PAFAH2: variants seen among roughly 807,000 people sequenced by gnomAD.
PAFAH2 encodes the protein platelet activating factor acetylhydrolase 2, also known as platelet-activating factor acetylhydrolase 2, cytoplasmic.
In PAFAH2, 42 loss-of-function variants were observed where a neutral mutation model predicts 49.0. That is an observed-to-expected ratio of 0.86 (90% CI 0.67 to 1.11). The LOEUF is 1.11. Ranked by LOEUF, PAFAH2 falls within the 50% of genes least tolerant of loss-of-function variation. The pLI is 0.00. For synonymous variants in PAFAH2, 184 were observed against 181.3 expected, an observed-to-expected ratio of 1.01 and a Z score of -0.12; for missense variants, 503 against 501.8, an observed-to-expected ratio of 1.00 and a Z score of -0.02.
At chr1:25,983,891 T>C (rs1557525472) in intron 6 of PAFAH2, 55 bp downstream of exon 6, 2 of 1,585,176 alleles carry the variant, frequency 1.3e-6, no homozygotes, top group East Asian at 2.2e-5. Context: ...CTATCAAATA[T>C]AGTAGGGAGA....
intron 3 of PAFAH2, among the ~76,000 whole-genome samples, chr1:25,988,806 CAAAAAAAAAAAAA>C (rs59169423): frequency 7.4e-5 from 4 of 54,348 alleles, no homozygotes; most frequent in Admixed American, 2.8e-4. Flanking sequence ...TCCATCTCAC[CAAAAAAAAAAAAA>C]AAAAAAAAAA....
chr1:25,969,067 A>G (rs1201924411), intron 10 of PAFAH2, among the ~76,000 whole-genome samples: 1 of 152,180 alleles, frequency 6.6e-6, no homozygotes, highest in African/African-American at 2.4e-5. Flanking sequence ...AGCCTGTGGA[A>G]TAACATTCAA....
Position 25,976,192 on chromosome 1 carries a change from G to T in PAFAH2, c.758+490C>A, listed in dbSNP as rs546257137. Among the ~76,000 whole-genome samples the T allele has an allele frequency of 9.9e-5, 15 of 152,244 alleles. No homozygotes were observed. The East Asian group carries it at 2.7e-3, about 27-fold the overall frequency. ...AGGATCTTGCTCTATTGCCCAGGCT[G>T]AAGTGGTGCGGTCAGAGCTCACTGT... On this transcript the variant is annotated intron_variant, in intron 8 of 10. Transcript: ENST00000374282.
chr1:25,997,285 T>C (rs2049949904), intron 1 of PAFAH2, among the ~76,000 whole-genome samples: 1 of 152,172 alleles, frequency 6.6e-6, no homozygotes, highest in African/African-American at 2.4e-5. Flanking sequence ...ACTCGAGGGA[T>C]GAGATTGAGC....
rs34853555 is a variant in PAFAH2, at chr1:25,967,031, C to CAA, written c.1085-4950_1085-4949dup. Among the ~76,000 whole-genome samples, 705 of 83,966 alleles carry CAA rather than the reference C, an allele frequency of 8.4e-3. 14 individuals are homozygous for CAA. Among genetic ancestry groups the CAA allele is most frequent in the Admixed American group, 0.011 (83 of 7,286 alleles). The allele number at this position is 83,966 out of a possible 152,430, so 55.1% of individuals were successfully genotyped here. On this transcript the variant is annotated intron_variant, in intron 10 of 10. Coordinates refer to ENST00000374282, the MANE Select transcript of PAFAH2 (RefSeq NM_000437.4). ...TGGGCGACAGAGTGAGACGCCTTCT[C>CAA]AAAAAAAAAAAAAAAAAAAGACTGT...
intron 7 of PAFAH2, among the ~76,000 whole-genome samples, chr1:25,978,258 G>C (rs550081854): frequency 1.3e-5 from 2 of 152,008 alleles, no homozygotes; most frequent in East Asian, 1.9e-4. Flanking sequence ...GGTATACAAA[G>C]AAATCTCCTA....
At chr1:25,966,986 C>T (rs1042156945) in intron 10 of PAFAH2, among the ~76,000 whole-genome samples, 7 of 144,570 alleles carry the variant, frequency 4.8e-5, no homozygotes, top group Non-Finnish European at 7.5e-5. Flanking sequence ...GAGCCGAGAT[C>T]GCGCCACTGC....
At chr1:25,988,176 A>T in intron 4 of PAFAH2, 55 bp downstream of exon 4, 1 of 1,130,056 alleles carries the variant, frequency 8.8e-7, no homozygotes, top group Non-Finnish European at 1.3e-6. Flanking sequence ...GCTAAGACTC[A>T]GCAGCTGTCA....
At chr1:25,983,398 T>TA (rs1047470223) in intron 6 of PAFAH2, among the ~76,000 whole-genome samples, 9 of 149,962 alleles carry the variant, frequency 6.0e-5, no homozygotes, top group Middle Eastern at 3.4e-3. Context: ...AAAATAAAAA[T>TA]AAAAAAAAAT....
intron 10 of PAFAH2, chr1:25,964,429 G>A (rs975131724): frequency 6.6e-5 from 10 of 152,108 alleles, no homozygotes; most frequent in Non-Finnish European, 1.5e-4. Flanking sequence ...GATTTTTCTG[G>A]GTGCACTGGC....
chr1:25,979,581 G>A (rs1216519007), intron 7 of PAFAH2, among the ~76,000 whole-genome samples: 2 of 151,956 alleles, frequency 1.3e-5, no homozygotes, highest in African/African-American at 2.4e-5. Context: ...TCTGCCTCCC[G>A]GGTACAAGCG....
chr1:25,962,488 G>C (rs1024001168), intron 10 of PAFAH2, among the ~76,000 whole-genome samples: 1 of 152,106 alleles, frequency 6.6e-6, no homozygotes, highest in Non-Finnish European at 1.5e-5. Flanking sequence ...AAGGTCATTA[G>C]AGCTATTAAG....
At chr1:25,989,629 A>T (rs1276035884) in intron 2 of PAFAH2, 28 bp from the exon 3 acceptor site, 12 of 1,460,978 alleles carry the variant, frequency 8.2e-6, no homozygotes, top group Admixed American at 2.6e-5. Context: ...GCAGCTGCTC[A>T]GAGCAAGGAG....
Position 25,972,544 on chromosome 1 carries a change from A to C in PAFAH2, c.1084+14T>G, listed in dbSNP as rs2049524204. ...ACCCCACAGCTGCCCCAAGAGCCCC[A>C]GTTTTCTCCTTACCGAGGTGCTTCT... On this transcript the variant is annotated intron_variant, in intron 10 of 10. Coordinates refer to ENST00000374282, the MANE Select transcript of PAFAH2 (RefSeq NM_000437.4). 6.2e-7 allele frequency: 1 copy of C among 1,608,416 alleles called. No homozygotes were observed.
At chr1:25,976,849 A>G in intron 7 of PAFAH2, 76 bp from the exon 8 acceptor site, 1 of 1,182,284 alleles carries the variant, frequency 8.5e-7, no homozygotes, top group South Asian at 1.3e-5. Context: ...AGCAAGAGGA[A>G]GAAATAGTGA....
chr1:25,994,705 T>C (rs1484456162), intron 1 of PAFAH2, among the ~76,000 whole-genome samples: 1 of 152,076 alleles, frequency 6.6e-6, no homozygotes, highest in Non-Finnish European at 1.5e-5. Context: ...ACCAGGACAA[T>C]AGTCCTTAAG....
rs1379767836 is a variant in PAFAH2, at chr1:25,984,536, T to C, written c.342-8A>G. On this transcript the variant is annotated splice_polypyrimidine_tract_variant and splice_region_variant and intron_variant, in intron 4 of 10. Transcript: ENST00000374282. ...AAGGCTGAATACAAAGTCCTGGAGATTCAAAAAGGAACAAGGAAAAGGGAT... is the reference window on the plus strand; with the variant it reads ...AAGGCTGAATACAAAGTCCTGGAGACTCAAAAAGGAACAAGGAAAAGGGAT... 1 of 1,612,270 alleles carries C rather than the reference T, an allele frequency of 6.2e-7. No individual in the cohort carries two copies. Among genetic ancestry groups the C allele is most frequent in the Non-Finnish European group, 8.5e-7 (1 of 1,178,668 alleles).
chr1:25,990,746 A>C lies in PAFAH2; in HGVS notation c.71T>G (p.Met24Arg). 1 of 1,613,962 alleles carries C rather than the reference A, an allele frequency of 6.2e-7. No homozygotes were observed. Among genetic ancestry groups the C allele is most frequent in the Non-Finnish European group, 8.5e-7 (1 of 1,179,868 alleles). The part of the protein sequence containing the change: ...GPHLVGCGDV[M>R]EGQNLQGSFF... ...ACTTACCTGGAGATTCTGACCCTCC[A>C]TCACATCCCCACAGCCTACGAGGTG... Residue 24 changes from methionine to arginine, a missense_variant, in exon 2 of 11, where the codon ATG (methionine) becomes AGG (arginine). Met to Arg is a moderately conservative substitution (Grantham distance 91). Transcript: ENST00000374282.
intron 10 of PAFAH2, among the ~76,000 whole-genome samples, chr1:25,971,296 A>G (rs1300067785): frequency 1.3e-5 from 2 of 152,196 alleles, no homozygotes; most frequent in Non-Finnish European, 2.9e-5. Flanking sequence ...GGACGGGGCT[A>G]CAGTGTGTTC....
Sources: gnomAD v4.1 joint callset for allele counts (sites outside exome capture counted in the v4.1 genomes callset) on GRCh38, gnomAD v4.1.1 for gene constraint, MANE v1.5 for transcripts, NCBI Gene and HGNC (gene_info 2026-07-23, HGNC 2026-07-21) for gene names.